MTDH: variants seen among roughly 807,000 people sequenced by gnomAD.
The protein encoded by MTDH is metadherin, also known as protein LYRIC.
In MTDH, 34 loss-of-function variants were observed where a neutral mutation model predicts 72.7. That is an observed-to-expected ratio of 0.47 (90% CI 0.36 to 0.62). MTDH has a LOEUF of 0.62. Ranked by LOEUF, MTDH falls within the 20% of genes least tolerant of loss-of-function variation. The pLI, the probability that MTDH is intolerant of heterozygous loss-of-function variation, is 0.00. For synonymous variants in MTDH, 266 were observed against 268.9 expected (o/e 0.99, Z 0.10); for missense variants, 677 against 699.4 (o/e 0.97, Z 0.36).
intron 7 of MTDH, among the ~76,000 whole-genome samples, chr8:97,705,638 A>G (rs923177988): frequency 6.6e-6 from 1 of 152,120 alleles, no homozygotes; most frequent in African/African-American, 2.4e-5. Context: ...GTTTGATAAG[A>G]GTAGCATTAG....
chr8:97,699,995 C>T (rs112668845), intron 7 of MTDH, 143 bp downstream of exon 7: 10 of 464,252 alleles, frequency 2.2e-5, no homozygotes, highest in African/African-American at 1.6e-4. Flanking sequence ...AAATGTACTA[C>T]TTGAAACCTG....
At chr8:97,691,960 A>T (rs927738066) in intron 6 of MTDH, among the ~76,000 whole-genome samples, 2 of 151,514 alleles carry the variant, frequency 1.3e-5, no homozygotes, top group Admixed American at 6.6e-5. Context: ...GCTCACTGCA[A>T]CCTCCACCTC....
At chr8:97,648,740 A>G (rs1028377750) in intron 1 of MTDH, among the ~76,000 whole-genome samples, 1 of 152,232 alleles carries the variant, frequency 6.6e-6, no homozygotes, top group East Asian at 1.9e-4. Context: ...TAATTGCCAT[A>G]TCTCTAAGCT....
chr8:97,674,231 G>C (rs151183576), intron 2 of MTDH, among the ~76,000 whole-genome samples: 2 of 152,202 alleles, frequency 1.3e-5, no homozygotes, highest in Non-Finnish European at 2.9e-5. Flanking sequence ...GCACTTCCCT[G>C]CACCTGCAAT....
intron 2 of MTDH, among the ~76,000 whole-genome samples, chr8:97,674,529 G>A (rs563047046): frequency 6.6e-6 from 1 of 152,296 alleles, no homozygotes; most frequent in East Asian, 1.9e-4. Flanking sequence ...TTTGGGACAA[G>A]TGAGAAAAAT....
intron 2 of MTDH, among the ~76,000 whole-genome samples, chr8:97,677,180 CAAAAAAAAAAAA>C (rs71271142): frequency 0.014 from 595 of 44,068 alleles, 11 homozygotes; most frequent in African/African-American, 0.06. Flanking sequence ...AAGCCTGTCT[CAAAAAAAAAAAA>C]AAAAAAAAAA....
chr8:97,694,863 C>T (rs1409801401), intron 6 of MTDH, among the ~76,000 whole-genome samples: 1 of 151,640 alleles, frequency 6.6e-6, no homozygotes, highest in African/African-American at 2.4e-5. Context: ...GCGGAGATTG[C>T]AGTGAGCCAA....
chr8:97,701,281 C>T (rs572825721), intron 7 of MTDH, among the ~76,000 whole-genome samples: 3 of 152,110 alleles, frequency 2.0e-5, no homozygotes, highest in Non-Finnish European at 4.4e-5. Context: ...GCTGAAGTCT[C>T]CTGTGATAAA....
At chr8:97,649,981 A>G (rs895755412) in intron 1 of MTDH, among the ~76,000 whole-genome samples, 6 of 151,636 alleles carry the variant, frequency 4.0e-5, no homozygotes, top group Non-Finnish European at 8.8e-5. Flanking sequence ...TTTGAAACGG[A>G]GTGTCACTCT....
At position 97,685,914 on chromosome 8, in the gene MTDH, G is replaced by A. The variant is rs555660969; in HGVS notation, c.484-754G>A. On this transcript the variant is annotated intron_variant, in intron 2 of 11. Coordinates refer to ENST00000336273, the MANE Select transcript of MTDH (RefSeq NM_178812.4). ...AAATACAGAAATTATGGCTTATTTCGTTTTTAGCAAGCTTTTGAAAGGATA... is the reference window on the plus strand; with the variant it reads ...AAATACAGAAATTATGGCTTATTTCATTTTTAGCAAGCTTTTGAAAGGATA... 3.9e-5 allele frequency among the ~76,000 whole-genome samples: 6 copies of A among 152,148 alleles called. No homozygotes were observed. In the East Asian group the frequency reaches 7.7e-4, roughly 20 times the overall value.
chr8:97,688,285 G>T (rs1406164916), intron 4 of MTDH, among the ~76,000 whole-genome samples: 1 of 152,052 alleles, frequency 6.6e-6, no homozygotes, highest in Non-Finnish European at 1.5e-5. Context: ...TTTTGTTAAT[G>T]ACCTTCCCAC....
intron 7 of MTDH, among the ~76,000 whole-genome samples, chr8:97,704,648 G>A (rs1049439636): frequency 6.6e-6 from 1 of 151,604 alleles, no homozygotes; most frequent in African/African-American, 2.4e-5. Flanking sequence ...TACATATAAT[G>A]TTTTATTTTT....
At chr8:97,666,882 AGAC>A (rs1443567377) in intron 2 of MTDH, among the ~76,000 whole-genome samples, 4 of 152,008 alleles carry the variant, frequency 2.6e-5, no homozygotes, top group African/African-American at 9.7e-5. Context: ...TTTTTAGTAG[AGAC>A]GGGGTTTCAC....
At position 97,644,640 on chromosome 8, in the gene MTDH, A is replaced by G; in HGVS notation, c.134A>G (p.Lys45Arg). Residue 45 changes from lysine (K) to arginine (R), a missense_variant, in exon 1 of 12, where the codon AAA becomes AGA. Lys to Arg is a conservative substitution (Grantham distance 26, BLOSUM62 2). Coordinates refer to ENST00000336273, the MANE Select transcript of MTDH (RefSeq NM_178812.4). ...GGCCTCGACCTGGGGCTGGAGCCGA[A>G]ACGGTACCCCGGCTGGGTGATCCTG... is the stretch of plus-strand genomic sequence containing the variant. ...ELGLDLGLEP[K>R]RYPGWVILVG... 6.2e-7 allele frequency: 1 copy of G among 1,610,168 alleles called. No homozygotes were observed.
intron 2 of MTDH, among the ~76,000 whole-genome samples, chr8:97,685,275 A>C (rs1473048582): frequency 6.6e-6 from 1 of 152,218 alleles, no homozygotes; most frequent in Non-Finnish European, 1.5e-5. Flanking sequence ...TGTATTAAAC[A>C]TACATGTTAA....
Position 97,729,941 on chromosome 8 carries a change from A to C in MTDH, c.*5271A>C, listed in dbSNP as rs1815495320. Among the ~76,000 whole-genome samples the C allele has an allele frequency of 6.6e-6, 1 of 152,194 alleles. No individual in the cohort carries two copies. The highest frequency in any genetic ancestry group is 1.5e-5 in the Non-Finnish European group (1 of 68,040). On this transcript the variant is annotated 3_prime_UTR_variant, in exon 12 of 12. Coordinates refer to ENST00000336273, the MANE Select transcript of MTDH (RefSeq NM_178812.4). ...TGAAAGAGAATCACCCTGGTATATA[A>C]TATTTTAAAACATGAAAAAGGCATT...
At chr8:97,683,122 T>C (rs1017611068) in intron 2 of MTDH, among the ~76,000 whole-genome samples, 2 of 131,536 alleles carry the variant, frequency 1.5e-5, no homozygotes, top group African/African-American at 5.9e-5. Flanking sequence ...TGGAGTGCAG[T>C]GGAGCGATCT....
At chr8:97,651,923 A>C (rs1811787366) in intron 1 of MTDH, among the ~76,000 whole-genome samples, 2 of 152,210 alleles carry the variant, frequency 1.3e-5, no homozygotes, top group Non-Finnish European at 2.9e-5. Flanking sequence ...TATTCAAGCC[A>C]AAAATAGAAG....
rs1813286709 is a variant in MTDH, at chr8:97,684,649, AATATGTT to A, written c.484-2017_484-2011del. ...GCTCAACTGTAGTTGACAGATGTTC[AATATGTT>A]ACCTTTACTTAAGAGCGGCTATGGT... is the stretch of plus-strand genomic sequence containing the variant. On this transcript the variant is annotated intron_variant, in intron 2 of 11. Coordinates refer to ENST00000336273, the MANE Select transcript of MTDH (RefSeq NM_178812.4). Among the ~76,000 whole-genome samples, 3 of 152,222 alleles carry A rather than the reference AATATGTT, an allele frequency of 2.0e-5. No homozygotes were observed. The South Asian group carries it at 6.2e-4, about 32-fold the overall frequency.
Sources: gnomAD v4.1 joint callset for allele counts (sites outside exome capture counted in the v4.1 genomes callset) on GRCh38, gnomAD v4.1.1 for gene constraint, MANE v1.5 for transcripts, NCBI Gene and HGNC (gene_info 2026-07-23, HGNC 2026-07-21) for gene names.